The following SNTG2 variants were observed in gnomAD, a reference collection of about 807,000 sequenced individuals.
The protein encoded by SNTG2 is gamma-2-syntrophin.
Under a neutral mutation model 70.9 loss-of-function variants are expected in SNTG2, and 74 were observed. That is an observed-to-expected ratio of 1.04 (90% CI 0.86 to 1.27). SNTG2 has a LOEUF of 1.27. Ranked by LOEUF, SNTG2 falls within the 50% of genes most tolerant of loss-of-function variation. The pLI, the probability that SNTG2 is intolerant of heterozygous loss-of-function variation, is 0.00. For missense variants in SNTG2, 717 were observed against 690.7 expected (o/e 1.04, Z -0.43); for synonymous variants, 278 against 273.8 (o/e 1.02, Z -0.15).
rs138628372 is a variant in SNTG2, at chr2:1,024,696, T to C, written c.73-58822T>C. Reference sequence around the variant, plus strand: ...CCCAAGACTATTTTTAATGAAAATATTGATTCTGAAATTTACCTGCAATAA... The same window carrying C: ...CCCAAGACTATTTTTAATGAAAATACTGATTCTGAAATTTACCTGCAATAA... On this transcript the variant is annotated intron_variant, in intron 1 of 16. Transcript: ENST00000308624. Among the ~76,000 whole-genome samples, 556 of 152,304 alleles carry C rather than the reference T, an allele frequency of 3.7e-3. 2 individuals carry two copies. Among genetic ancestry groups the C allele is most frequent in the African/African-American group, 0.013 (530 of 41,554 alleles).
chr2:953,314 G>A (rs1660037730), intron 1 of SNTG2, among the ~76,000 whole-genome samples: 1 of 152,208 alleles, frequency 6.6e-6, no homozygotes, highest in Admixed American at 6.5e-5. Context: ...GACTACTATT[G>A]GTTGATGTTT....
chr2:1,169,973 G>A (rs1044749193), intron 7 of SNTG2, among the ~76,000 whole-genome samples: 6 of 134,458 alleles, frequency 4.5e-5, no homozygotes, highest in South Asian at 2.5e-4. Flanking sequence ...AAATTCAGGC[G>A]AAACGTCCTC....
At chr2:1,114,932 C>T (rs559502797) in intron 4 of SNTG2, among the ~76,000 whole-genome samples, 20 of 117,186 alleles carry the variant, frequency 1.7e-4, no homozygotes, top group African/African-American at 4.9e-4. Context: ...TTGTGTACTA[C>T]GTGAGGTTTA....
chr2:1,336,177 G>T (rs1349972041), intron 16 of SNTG2, among the ~76,000 whole-genome samples: 1 of 152,130 alleles, frequency 6.6e-6, no homozygotes, highest in Non-Finnish European at 1.5e-5. Flanking sequence ...CAGTTTGGAG[G>T]TGTCAATTTC....
intron 1 of SNTG2, among the ~76,000 whole-genome samples, chr2:974,134 A>T (rs1660835915): frequency 6.6e-6 from 1 of 152,028 alleles, no homozygotes; most frequent in Admixed American, 6.6e-5. Context: ...CTTTGGCCGG[A>T]TGTTACCGAG....
chr2:1,240,273 G>T (rs1481372219), intron 11 of SNTG2, among the ~76,000 whole-genome samples: 1 of 152,182 alleles, frequency 6.6e-6, no homozygotes. Flanking sequence ...TTCACCTGGA[G>T]CCCAGAGCCC....
rs573618958 is a variant in SNTG2, at chr2:972,409, G to A, written c.72+21341G>A. ...TCCTTCTTTGTCTTCTTTGATTGTC[G>A]TTGGTTTAAATTCTGTTTTGTCCAA... is the stretch of plus-strand genomic sequence containing the variant. On this transcript the variant is annotated intron_variant, in intron 1 of 16. Coordinates refer to ENST00000308624, the MANE Select transcript of SNTG2 (RefSeq NM_018968.4). Among the ~76,000 whole-genome samples, 24 of 152,204 alleles carry A rather than the reference G, an allele frequency of 1.6e-4. No individual in the cohort carries two copies. The East Asian group carries it at 4.2e-3, about 27-fold the overall frequency.
At chr2:956,055 G>GCCCCTA (rs1180955232) in intron 1 of SNTG2, among the ~76,000 whole-genome samples, 917 of 60,948 alleles carry the variant, frequency 0.015, 14 homozygotes, top group African/African-American at 0.05. Flanking sequence ...CCCTGCCCCT[G>GCCCCTA]CCCCTACCCC....
chr2:1,250,923 C>T lies in SNTG2; in HGVS notation c.1005+3480C>T, dbSNP rs567988245. ...TATCGTCTCTTTCTCCTTCTGCATA[C>T]ACTCCGGAACATTCCTAGAACATGA... On this transcript the variant is annotated intron_variant, in intron 12 of 16. Coordinates refer to ENST00000308624, the MANE Select transcript of SNTG2 (RefSeq NM_018968.4). Among the ~76,000 whole-genome samples the T allele has an allele frequency of 5.4e-4, 83 of 152,340 alleles. 1 individual carries two copies. Among genetic ancestry groups the T allele is most frequent in the Admixed American group, 5.0e-3 (77 of 15,306 alleles).
At chr2:1,239,663 C>T (rs1676920008) in intron 10 of SNTG2, 75 bp from the exon 11 acceptor site, 10 of 1,524,478 alleles carry the variant, frequency 6.6e-6, no homozygotes, top group Non-Finnish European at 9.0e-6. Context: ...TGGCTGATGA[C>T]TTCCAGCTGT....
chr2:1,239,231 A>T (rs563290086), intron 10 of SNTG2, among the ~76,000 whole-genome samples: 17 of 152,346 alleles, frequency 1.1e-4, no homozygotes, highest in African/African-American at 4.1e-4. Flanking sequence ...ATTTCAGAAC[A>T]GAAATGTGGA....
chr2:990,590 C>T (rs1168968730), intron 1 of SNTG2, among the ~76,000 whole-genome samples: 1 of 152,192 alleles, frequency 6.6e-6, no homozygotes, highest in Non-Finnish European at 1.5e-5. Context: ...AACACCATCA[C>T]ATTGCAGATT....
In SNTG2 at chr2:1,362,184, A is replaced by AGAACTTCCATGAAAGT. The variant is rs1661208818; in HGVS notation, c.1489-5159_1489-5158insGAACTTCCATGAAAGT. Among the ~76,000 whole-genome samples the AGAACTTCCATGAAAGT allele has an allele frequency of 1.9e-5, 2 of 104,368 alleles. 1 individual carries two copies. The highest frequency in any genetic ancestry group is 4.1e-5 in the Non-Finnish European group (2 of 48,596). 68.5% of individuals were successfully genotyped at this position (104,368 alleles called of 152,430 possible). Reference sequence around the variant, plus strand: ...CATTTCAGTAGAACTTCCATGAGATACACCGATGCTGAGCATTTCAGTAGA... The same window carrying AGAACTTCCATGAAAGT: ...CATTTCAGTAGAACTTCCATGAGATAGAACTTCCATGAAAGTCACCGATGCTGAGCATTTCAGTAGA... On this transcript the variant is annotated intron_variant, in intron 16 of 16. Transcript: ENST00000308624.
At chr2:1,309,506 C>G (rs1237866307) in intron 15 of SNTG2, among the ~76,000 whole-genome samples, 3 of 152,250 alleles carry the variant, frequency 2.0e-5, no homozygotes, top group Non-Finnish European at 4.4e-5. Context: ...GAGACACTTT[C>G]TATTGTCAGG....
intron 1 of SNTG2, among the ~76,000 whole-genome samples, chr2:1,070,068 A>G (rs1001231304): frequency 2.6e-5 from 4 of 151,542 alleles, no homozygotes; most frequent in African/African-American, 9.7e-5. Context: ...GCCAGTCACC[A>G]CCTTGGAGCT....
At chr2:1,170,543 T>C (rs1671057380) in intron 7 of SNTG2, among the ~76,000 whole-genome samples, 1 of 152,192 alleles carries the variant, frequency 6.6e-6, no homozygotes. Flanking sequence ...GATCTCCGTC[T>C]GCGCCGGACG....
At chr2:1,132,852 C>T (rs891955543) in intron 4 of SNTG2, among the ~76,000 whole-genome samples, 2 of 152,240 alleles carry the variant, frequency 1.3e-5, no homozygotes, top group East Asian at 1.9e-4. Flanking sequence ...CCTGCACCTG[C>T]CCCTTCTCTC....
Position 1,109,026 on chromosome 2 carries a change from G to A in SNTG2, c.325+10616G>A, listed in dbSNP as rs531370441. Among the ~76,000 whole-genome samples, 10 of 138,832 alleles carry A rather than the reference G, an allele frequency of 7.2e-5. No homozygotes were observed. In the South Asian group the frequency reaches 1.3e-3, roughly 18 times the overall value. 91.1% of individuals were successfully genotyped at this position (138,832 alleles called of 152,430 possible). A position where few individuals can be genotyped will look rare whatever the true frequency, so the allele number is the denominator to read the frequency against. ...GGTGCAGGGTATGGAGAGCTGCTTG[G>A]TAATAGTGGACACGTGCTGTCACTC... On this transcript the variant is annotated intron_variant, in intron 4 of 16. Transcript: ENST00000308624.
intron 1 of SNTG2, among the ~76,000 whole-genome samples, chr2:954,053 G>A (rs1660065896): frequency 6.6e-6 from 1 of 152,190 alleles, no homozygotes; most frequent in Non-Finnish European, 1.5e-5. Context: ...TTACTAAGCA[G>A]TGTGATTTTC....
Sources: gnomAD v4.1 joint callset for allele counts (sites outside exome capture counted in the v4.1 genomes callset) on GRCh38, gnomAD v4.1.1 for gene constraint, MANE v1.5 for transcripts, NCBI Gene and HGNC (gene_info 2026-07-23, HGNC 2026-07-21) for gene names.